The following DDHD1 variants were observed in gnomAD, a reference collection of about 807,000 sequenced individuals.
The protein encoded by DDHD1 is DDHD domain containing 1.
Under a neutral mutation model 96.4 loss-of-function variants are expected in DDHD1, and 49 were observed. That is an observed-to-expected ratio of 0.51 (90% confidence interval 0.40 to 0.64). The LOEUF (loss-of-function observed/expected upper bound fraction) is 0.64. Among genes scored for constraint, DDHD1 ranks in the 30% least tolerant of loss-of-function variants. The probability of loss-of-function intolerance (pLI) is 0.00; values close to 1 mark genes in which losing one functional copy is unlikely to be tolerated. For synonymous variants in DDHD1, 442 were observed against 446.5 expected (o/e 0.99, Z 0.13); for missense variants, 1,106 against 1,161.2 (o/e 0.95, Z 0.69).
At chr14:53,062,641 A>G (rs924382584) in intron 7 of DDHD1, among the ~76,000 whole-genome samples, 1 of 152,192 alleles carries the variant, frequency 6.6e-6, no homozygotes, top group African/African-American at 2.4e-5. Flanking sequence ...CATTTTCAAT[A>G]AGGATTCTAT....
At chr14:53,140,130 T>G (rs889990653) in intron 1 of DDHD1, among the ~76,000 whole-genome samples, 10 of 151,382 alleles carry the variant, frequency 6.6e-5, no homozygotes, top group Admixed American at 1.3e-4. Context: ...ATTATGCAAA[T>G]AGAAATACAA....
At chr14:53,121,240 C>G (rs1045479327) in intron 1 of DDHD1, among the ~76,000 whole-genome samples, 2 of 152,204 alleles carry the variant, frequency 1.3e-5, no homozygotes, top group Non-Finnish European at 2.9e-5. Flanking sequence ...AGATACCTCT[C>G]ACACCAGTTA....
rs568210349 is a variant in DDHD1, at chr14:53,038,278, C to G, written c.*8490G>C. 153 of 152,292 alleles carry G rather than the reference C, an allele frequency of 1.0e-3. No homozygotes were observed. Among genetic ancestry groups the G allele is most frequent in the African/African-American group, 3.5e-3 (147 of 41,562 alleles). The allele number at this position is 152,292 out of a possible 1,614,324, so 9.4% of individuals were successfully genotyped here. ...TTTTATACCTAGAAAACCCCGAAGA[C>G]TCTGCCAAAAGCTCCTAGACTGATA... is the stretch of plus-strand genomic sequence containing the variant. On this transcript the variant is annotated 3_prime_UTR_variant, in exon 13 of 13. Transcript: ENST00000673822.
chr14:53,129,893 C>T (rs866059437), intron 1 of DDHD1, among the ~76,000 whole-genome samples: 5 of 152,212 alleles, frequency 3.3e-5, no homozygotes, highest in Non-Finnish European at 5.9e-5. Context: ...TAATTACTGT[C>T]GTAAAAATGG....
At chr14:53,108,466 G>A (rs1053584254) in intron 1 of DDHD1, among the ~76,000 whole-genome samples, 4 of 152,170 alleles carry the variant, frequency 2.6e-5, no homozygotes, top group African/African-American at 4.8e-5. Flanking sequence ...GAAGCAGCCC[G>A]CTGCCATCTT....
intron 1 of DDHD1, among the ~76,000 whole-genome samples, chr14:53,119,585 C>T (rs1398001923): frequency 3.9e-5 from 6 of 152,184 alleles, no homozygotes; most frequent in Non-Finnish European, 8.8e-5. Flanking sequence ...TCCAGCAGCA[C>T]ATCAAAAAGC....
At chr14:53,085,058 C>G (rs1174252773) in intron 4 of DDHD1, among the ~76,000 whole-genome samples, 1 of 152,228 alleles carries the variant, frequency 6.6e-6, no homozygotes, top group Non-Finnish European at 1.5e-5. Context: ...TAGGCGGCAG[C>G]CTGGCTGGGG....
intron 3 of DDHD1, 57 bp from the exon 4 acceptor site, chr14:53,091,989 C>T (rs1886467676): frequency 6.7e-7 from 1 of 1,489,318 alleles, no homozygotes; most frequent in East Asian, 2.3e-5. Context: ...AGCATTTCCA[C>T]AATATGTTAA....
chr14:53,106,176 A>G (rs1037329402), intron 1 of DDHD1, among the ~76,000 whole-genome samples: 3 of 152,226 alleles, frequency 2.0e-5, no homozygotes, highest in Non-Finnish European at 4.4e-5. Context: ...ACATATAAAA[A>G]TTACATCTAT....
Position 53,066,335 on chromosome 14 carries a change from A to G in DDHD1, c.1504-3130T>C, listed in dbSNP as rs568244679. On this transcript the variant is annotated intron_variant, in intron 6 of 12. Coordinates refer to ENST00000673822, the MANE Select transcript of DDHD1 (RefSeq NM_001160148.2). ...CCTGGCTAATTTTTGAATTTTTAGT[A>G]GAGACGGGGTTTCACCATGTTGGTT... Among the ~76,000 whole-genome samples the G allele has an allele frequency of 3.9e-5, 6 of 152,186 alleles. No individual in the cohort carries two copies. In the South Asian group the frequency reaches 1.2e-3, roughly 32 times the overall value.
intron 12 of DDHD1, among the ~76,000 whole-genome samples, chr14:53,049,333 C>T (rs982111360): frequency 6.6e-6 from 1 of 152,144 alleles, no homozygotes; most frequent in Non-Finnish European, 1.5e-5. Flanking sequence ...TCTCGTCCTC[C>T]CTGAAAAGGT....
chr14:53,138,410 C>G (rs780167132), intron 1 of DDHD1, among the ~76,000 whole-genome samples: 13 of 152,230 alleles, frequency 8.5e-5, no homozygotes, highest in Non-Finnish European at 1.9e-4. Flanking sequence ...GCCTGGGCAA[C>G]AGAGCGAGAC....
chr14:53,152,670 C>T lies in DDHD1; in HGVS notation c.429G>A (p.Arg143=), dbSNP rs561174238. ...CCGGGCCGCCAAGCCGGGTACGTTT[C>T]CTTTCCCCGGGGGACCCTCCTGTCG... The part of the protein sequence containing the change: ...GGATGGSPGE[R]KRTRLGGPAA... Residue 143 remains arginine (R), a synonymous_variant, in exon 1 of 13, where the codon AGG becomes AGA. Coordinates refer to ENST00000673822, the MANE Select transcript of DDHD1 (RefSeq NM_001160148.2). 6.3e-5 allele frequency: 101 copies of T among 1,612,954 alleles called. 2 individuals are homozygous for T. In the South Asian group the frequency reaches 1.0e-3, roughly 16 times the overall value.
chr14:53,103,348 A>T (rs1887452092), intron 2 of DDHD1: 1 of 364,926 alleles, frequency 2.7e-6, no homozygotes, highest in African/African-American at 2.1e-5. Flanking sequence ...TCTTGATATA[A>T]CAACAAGGAA....
At position 53,044,350 on chromosome 14, in the gene DDHD1, C is replaced by T. The variant is rs1881865303; in HGVS notation, c.*2418G>A. 2 of 152,228 alleles carry T rather than the reference C, an allele frequency of 1.3e-5. No individual in the cohort carries two copies. Among genetic ancestry groups the T allele is most frequent in the Admixed American group, 6.5e-5 (1 of 15,292 alleles). 9.4% of individuals were successfully genotyped at this position (152,228 alleles called of 1,614,324 possible). ...ATGAAAAAAAGGAAGCAGACATATT[C>T]CTATGGCTATAGGAACATACCTTTT... On this transcript the variant is annotated 3_prime_UTR_variant, in exon 13 of 13. Coordinates refer to ENST00000673822, the MANE Select transcript of DDHD1 (RefSeq NM_001160148.2).
At chr14:53,132,703 C>A (rs1235716215) in intron 1 of DDHD1, among the ~76,000 whole-genome samples, 2 of 152,174 alleles carry the variant, frequency 1.3e-5, no homozygotes, top group Non-Finnish European at 2.9e-5. Flanking sequence ...ATTATTAATG[C>A]CTCTTTAATA....
In DDHD1 at chr14:53,072,668, C is replaced by T. The variant is rs781702669; in HGVS notation, c.1432G>A (p.Gly478Ser). The T allele has an allele frequency of 3.1e-6, 5 of 1,609,958 alleles. No homozygotes were observed. Among genetic ancestry groups the T allele is most frequent in the East Asian group, 2.2e-5 (1 of 44,762 alleles). ...VDSITPDKVR[G>S]LRDMLNSSAM... ...CTGCTGTTCAGCATATCCCTTAAAC[C>T]TCGTACTTTGTCAGGAGTAATGGAA... Residue 478 changes from glycine (G) to serine (S), a missense_variant, in exon 6 of 13, where the codon GGT (glycine) becomes AGT (serine). Physicochemically the swap from Gly to Ser is moderately conservative, Grantham distance 56. Transcript: ENST00000673822.
chr14:53,043,392 A>AGTT lies in DDHD1; in HGVS notation c.*3375_*3376insAAC, dbSNP rs1555328237. 8.9e-6 allele frequency: 1 copy of AGTT among 112,440 alleles called. No individual in the cohort carries two copies. Among genetic ancestry groups the AGTT allele is most frequent in the East Asian group, 2.8e-4 (1 of 3,566 alleles). The allele number at this position is 112,440 out of a possible 1,614,324, so 7.0% of individuals were successfully genotyped here. On this transcript the variant is annotated 3_prime_UTR_variant, in exon 13 of 13. Transcript: ENST00000673822. ...CAAAAGAGCAGTTATTAGAACATCCAGTGTGTGTGTGTGTGTGTGTGTGTG... is the reference window on the plus strand; with the variant it reads ...CAAAAGAGCAGTTATTAGAACATCCAGTTGTGTGTGTGTGTGTGTGTGTGTGTG...
In DDHD1 at chr14:53,063,176, A is replaced by G; in HGVS notation, c.1533T>C (p.Asn511=). ...GAGAACAGAAAAGGGAATACAATCG[A>G]TTCAGCTCTTGCTGAAGGCCTTTAA... ...ELVKGLQQEL[N]RLYSLFCSRN... is the part of the protein sequence containing the mutation. The change falls in exon 7 of 13, where the codon AAT becomes AAC. Residue 511 remains asparagine, a synonymous_variant. Transcript: ENST00000673822. 6.2e-7 allele frequency: 1 copy of G among 1,613,856 alleles called. No homozygotes were observed. The highest frequency in any genetic ancestry group is 8.5e-7 in the Non-Finnish European group (1 of 1,179,956).
Sources: allele counts gnomAD v4.1 joint callset (sites outside exome capture counted in the v4.1 genomes callset), GRCh38; gene constraint gnomAD v4.1.1; transcripts MANE v1.5; gene names NCBI Gene and HGNC (gene_info 2026-07-23, HGNC 2026-07-21).